DARS1: variants seen among roughly 807,000 people sequenced by gnomAD.
DARS1 encodes aspartyl-tRNA synthetase 1, also known as aspartate--tRNA ligase, cytoplasmic.
DARS1 carries 51 observed loss-of-function variants against 68.8 expected under a neutral mutation model. That is an observed-to-expected ratio of 0.74 (90% CI 0.59 to 0.94). The LOEUF (loss-of-function observed/expected upper bound fraction) is 0.94, where lower values mean the gene tolerates loss of function less well. Among genes scored for constraint, DARS1 ranks in the 40% least tolerant of loss-of-function variants. DARS1 has a pLI of 0.00. For missense variants in DARS1, 607 were observed against 597.3 expected (o/e 1.02, Z -0.17); for synonymous variants, 203 against 190.4 (o/e 1.07, Z -0.55).
chr2:135,952,712 C>T lies in DARS1; in HGVS notation c.320+8684G>A, dbSNP rs115475999. 8.6e-3 allele frequency among the ~76,000 whole-genome samples: 1,308 copies of T among 152,284 alleles called. 16 individuals are homozygous for T. The highest frequency in any genetic ancestry group is 0.028 in the African/African-American group (1,154 of 41,552). On this transcript the variant is annotated intron_variant, in intron 4 of 15. Transcript: ENST00000264161. Reference sequence around the variant, plus strand: ...TGTTGCCACAAATGACAAGATTTCACTTTTTATGGCTGAATAGTATTCCAG... The same window carrying T: ...TGTTGCCACAAATGACAAGATTTCATTTTTTATGGCTGAATAGTATTCCAG...
At chr2:135,924,239 T>C in intron 8 of DARS1, 148 bp downstream of exon 8, 4 of 792,916 alleles carry the variant, frequency 5.0e-6, no homozygotes, top group Non-Finnish European at 7.4e-6. Context: ...ATTGTTGCTA[T>C]ATAAGATGGT....
At chr2:135,982,297 T>C (rs1274392109) in intron 2 of DARS1, among the ~76,000 whole-genome samples, 2 of 152,028 alleles carry the variant, frequency 1.3e-5, no homozygotes, top group African/African-American at 4.8e-5. Flanking sequence ...GTCAGGTCAA[T>C]TTCAAAGAAA....
chr2:135,932,688 T>C, intron 7 of DARS1, 95 bp downstream of exon 7: 1 of 721,614 alleles, frequency 1.4e-6, no homozygotes, highest in East Asian at 2.6e-5. Context: ...GTCAGGCAAA[T>C]ACCATTTAGC....
At chr2:135,949,909 C>T (rs973090519) in intron 4 of DARS1, among the ~76,000 whole-genome samples, 1 of 152,094 alleles carries the variant, frequency 6.6e-6, no homozygotes, top group Non-Finnish European at 1.5e-5. Context: ...ATTGTCTAGC[C>T]AGTAAGGCAA....
At chr2:135,984,080 A>G (rs150408787) in intron 1 of DARS1, among the ~76,000 whole-genome samples, 18 of 152,352 alleles carry the variant, frequency 1.2e-4, no homozygotes, top group African/African-American at 4.1e-4. Flanking sequence ...ATTTCTTGTT[A>G]CAGATTAGAG....
chr2:135,969,930 C>G (rs1682328387), intron 3 of DARS1, among the ~76,000 whole-genome samples: 1 of 152,130 alleles, frequency 6.6e-6, no homozygotes, highest in Non-Finnish European at 1.5e-5. Flanking sequence ...ATTGGTGAGC[C>G]ATTAACACTT....
intron 5 of DARS1, among the ~76,000 whole-genome samples, chr2:135,942,438 G>C (rs541885120): frequency 2.5e-4 from 36 of 146,920 alleles, no homozygotes; most frequent in African/African-American, 8.6e-4. Flanking sequence ...CTCACTCATA[G>C]GTGGGAATTG....
Position 135,907,275 on chromosome 2 carries a change from G to A in DARS1, c.*41C>T, listed in dbSNP as rs778444199. On this transcript the variant is annotated 3_prime_UTR_variant, in exon 16 of 16. Transcript: ENST00000264161. ...TTTTTTTTTTTTGAGGCAGGGTCTC[G>A]CTCTGTCATCCACACTGGAGTTAAG... The A allele has an allele frequency of 1.3e-5, 11 of 865,608 alleles. No individual in the cohort carries two copies. Among genetic ancestry groups the A allele is most frequent in the East Asian group, 9.9e-5 (3 of 30,428 alleles). The allele number at this position is 865,608 out of a possible 1,614,324, so 53.6% of individuals were successfully genotyped here. A position where few individuals can be genotyped will look rare whatever the true frequency, so the allele number is the denominator to read the frequency against.
chr2:135,929,680 C>T (rs751953452), intron 7 of DARS1, among the ~76,000 whole-genome samples: 32 of 152,034 alleles, frequency 2.1e-4, no homozygotes, highest in Non-Finnish European at 2.9e-4. Context: ...TACAAAATTA[C>T]GAAACTTCTC....
In DARS1 at chr2:135,948,720, A is replaced by C. The variant is rs566439021; in HGVS notation, c.321-5240T>G. Among the ~76,000 whole-genome samples the C allele has an allele frequency of 7.9e-5, 12 of 152,186 alleles. No individual in the cohort carries two copies. The South Asian group carries it at 2.5e-3, about 32-fold the overall frequency. ...TCTCCACTAAAAGTACACAAAAAAAATTTAGCTGGGCGTGGTAGCGTGTGC... is the reference window on the plus strand; with the variant it reads ...TCTCCACTAAAAGTACACAAAAAAACTTTAGCTGGGCGTGGTAGCGTGTGC... On this transcript the variant is annotated intron_variant, in intron 4 of 15. Transcript: ENST00000264161.
intron 7 of DARS1, among the ~76,000 whole-genome samples, chr2:135,926,021 G>A (rs1358534497): frequency 6.6e-6 from 1 of 152,138 alleles, no homozygotes; most frequent in African/African-American, 2.4e-5. Flanking sequence ...TTCCTGAGTA[G>A]CTAGGATTAT....
intron 7 of DARS1, among the ~76,000 whole-genome samples, chr2:135,925,113 C>T (rs1395054944): frequency 1.3e-5 from 2 of 152,076 alleles, no homozygotes; most frequent in East Asian, 3.9e-4. Flanking sequence ...TCTATTCTCT[C>T]TCTTTCCCTC....
Position 135,916,363 on chromosome 2 carries a change from A to T in DARS1, c.969T>A (p.Thr323=), listed in dbSNP as rs941964593. The T allele has an allele frequency of 5.9e-6, 9 of 1,526,126 alleles. No individual in the cohort carries two copies. The highest frequency in any genetic ancestry group is 8.2e-6 in the Non-Finnish European group (9 of 1,100,714). The allele number at this position is 1,526,126 out of a possible 1,614,324, so 94.5% of individuals were successfully genotyped here. A position where few individuals can be genotyped will look rare whatever the true frequency, so the allele number is the denominator to read the frequency against. ...ACTGTTTATTCACTGTTTGAATTTC[A>T]GTCTGAAACCTATTTGCAGAATGAT... ...IFKGLQERFQ[T]EIQTVNKQFP... is the part of the protein sequence containing the mutation. The change falls in exon 11 of 16, where the codon ACT becomes ACA. Residue 323 remains threonine, a synonymous_variant. Coordinates refer to ENST00000264161, the MANE Select transcript of DARS1 (RefSeq NM_001349.4).
At chr2:135,970,930 AAAC>A (rs1172459031) in intron 3 of DARS1, among the ~76,000 whole-genome samples, 2 of 152,202 alleles carry the variant, frequency 1.3e-5, no homozygotes, top group Non-Finnish European at 1.5e-5. Flanking sequence ...GACCAGTAAC[AAAC>A]AACAAGATTA....
intron 4 of DARS1, among the ~76,000 whole-genome samples, chr2:135,961,142 C>A (rs1302681847): frequency 2.0e-5 from 3 of 152,188 alleles, no homozygotes; most frequent in Non-Finnish European, 4.4e-5. Context: ...CTTTTTGTTA[C>A]TCTACTTGAA....
intron 3 of DARS1, among the ~76,000 whole-genome samples, chr2:135,969,348 T>G (rs1212308722): frequency 1.3e-5 from 2 of 151,610 alleles, no homozygotes; most frequent in African/African-American, 2.4e-5. Context: ...ATTATAAAGA[T>G]TTGGAAAGAC....
chr2:135,979,533 T>A (rs894373474), intron 2 of DARS1, among the ~76,000 whole-genome samples, 167 bp from the exon 3 acceptor site: 2 of 152,224 alleles, frequency 1.3e-5, no homozygotes, highest in African/African-American at 4.8e-5. Flanking sequence ...ATGTGCAATT[T>A]GCCTCAAGTT....
At chr2:135,928,747 T>C (rs1191870938) in intron 7 of DARS1, among the ~76,000 whole-genome samples, 1 of 150,862 alleles carries the variant, frequency 6.6e-6, no homozygotes, top group Non-Finnish European at 1.5e-5. Flanking sequence ...CTTGGATCAC[T>C]GCAACCTCTG....
intron 1 of DARS1, 83 bp downstream of exon 1, chr2:135,985,320 G>A: frequency 1.3e-6 from 2 of 1,531,990 alleles, no homozygotes; most frequent in African/African-American, 2.7e-5. Context: ...GGACCTGTAG[G>A]GCCCCACTCC....
Sources: allele counts gnomAD v4.1 joint callset (sites outside exome capture counted in the v4.1 genomes callset), GRCh38; gene constraint gnomAD v4.1.1; transcripts MANE v1.5; gene names NCBI Gene and HGNC (gene_info 2026-07-23, HGNC 2026-07-21).